Variants in FBXL19 observed in about 807,000 individuals in gnomAD.
FBXL19 encodes the protein F-box and leucine rich repeat protein 19.
Under a neutral mutation model 71.2 loss-of-function variants are expected in FBXL19, and 16 were observed. That is an observed-to-expected ratio of 0.22 (90% CI 0.15 to 0.34). FBXL19 has a LOEUF of 0.34. Ranked by LOEUF, FBXL19 falls within the 10% of genes least tolerant of loss-of-function variation. FBXL19 has a pLI of 1.00. For missense variants in FBXL19, 658 were observed against 968.2 expected (o/e 0.68, Z 4.25); for synonymous variants, 447 against 409.4 (o/e 1.09, Z -1.11).
In FBXL19 at chr16:30,928,620, A is replaced by C. The variant is rs2055632702; in HGVS notation, c.781A>C (p.Asn261His). The C allele has an allele frequency of 6.3e-7, 1 of 1,580,142 alleles. No individual in the cohort carries two copies. The highest frequency in any genetic ancestry group is 1.1e-5 in the South Asian group (1 of 87,070). ...SSCHPGLPPE[N>H]WEKPKPPLAS... ...CTGCCACCCTGGGCTCCCTCCCGAG[A>C]ACTGGGAGGTGTGCCGGGGACCTCC... Residue 261 changes from asparagine (N) to histidine (H), a missense_variant, in exon 6 of 11, where the codon AAC becomes CAC. Coordinates refer to ENST00000338343, the MANE Select transcript of FBXL19 (RefSeq NM_001382779.1).
chr16:30,936,601 C>CTTTTTTTTTTTTTTT (rs547272418), intron 7 of FBXL19, among the ~76,000 whole-genome samples: 4 of 118,170 alleles, frequency 3.4e-5, no homozygotes, highest in African/African-American at 9.8e-5. Context: ...AATTTTTTTT[C>CTTTTTTTTTTTTTTT]TTTTTTTTTT....
chr16:30,933,284 T>C (rs1285666420), intron 7 of FBXL19, among the ~76,000 whole-genome samples: 2 of 152,094 alleles, frequency 1.3e-5, no homozygotes, highest in Non-Finnish European at 1.5e-5. Flanking sequence ...ATTACAGGCA[T>C]GAGCCACTGC....
rs2055552931 is a variant in FBXL19, at chr16:30,923,674, C to T, written c.-810C>T. On this transcript the variant is annotated 5_prime_UTR_variant, in exon 1 of 11. Coordinates refer to ENST00000338343, the MANE Select transcript of FBXL19 (RefSeq NM_001382779.1). ...TGGGGGACCAGGGGGGCTGAGACAC[C>T]CCAACTGCCCCCTTCCCCTTTCCCT... 6.6e-6 allele frequency among the ~76,000 whole-genome samples: 1 copy of T among 151,584 alleles called. No homozygotes were observed. Among genetic ancestry groups the T allele is most frequent in the Non-Finnish European group, 1.5e-5 (1 of 67,818 alleles).
chr16:30,933,295 G>A (rs188601627), intron 7 of FBXL19, among the ~76,000 whole-genome samples: 3 of 152,114 alleles, frequency 2.0e-5, no homozygotes, highest in Non-Finnish European at 4.4e-5. Flanking sequence ...GAGCCACTGC[G>A]CCTGGCCTAA....
At chr16:30,923,264 G>T (rs763863179), upstream of FBXL19, 1 of 449,418 alleles carries the variant, frequency 2.2e-6, no homozygotes, top group South Asian at 1.6e-5. Flanking sequence ...TCTCCTTCTC[G>T]ATGTTCTGCA....
intron 7 of FBXL19, among the ~76,000 whole-genome samples, chr16:30,939,625 A>G (rs528099401): frequency 6.6e-6 from 1 of 151,310 alleles, no homozygotes; most frequent in East Asian, 2.0e-4. Flanking sequence ...TCACTGTGTT[A>G]GCCTGGATGG....
Position 30,927,385 on chromosome 16 carries a change from G to A in FBXL19, c.255G>A (p.Glu85=). ...AGGACACGGTGGAGGGAGAGGAAGA[G>A]AAATTTGGTTTGAGCCTCATGGAGT... ...GKEDTVEGEE[E]KFGLSLMECT... is the part of the protein sequence containing the mutation. Residue 85 remains glutamate (E), a synonymous_variant, in exon 3 of 11, where the codon GAG becomes GAA. Transcript: ENST00000338343. The A allele has an allele frequency of 6.3e-7, 1 of 1,593,682 alleles. No homozygotes were observed. The highest frequency in any genetic ancestry group is 1.1e-5 in the South Asian group (1 of 87,686).
chr16:30,942,519 C>T lies in FBXL19; in HGVS notation c.1610C>T (p.Pro537Leu), dbSNP rs1235708969. Residue 537 changes from proline to leucine, a missense_variant, in exon 9 of 11, where the codon CCA becomes CTA. This residue lies in a region of FBXL19 where 25 missense variants were observed against 25.0 expected (regional missense o/e 1.00). Coordinates refer to ENST00000338343, the MANE Select transcript of FBXL19 (RefSeq NM_001382779.1). The surrounding 1 kb of genome is among the most constrained non-coding windows in gnomAD (Gnocchi z 5.7). ...CAGCTCCGGGAGTTGCTGCTGCCTC[C>T]ACCAGACACCAAACCAGGTGCAACC... ...DSQLRELLLP[P>L]PDTKPGQTES... 3 of 1,590,862 alleles carry T rather than the reference C, an allele frequency of 1.9e-6. No homozygotes were observed. Among genetic ancestry groups the T allele is most frequent in the Non-Finnish European group, 2.6e-6 (3 of 1,168,734 alleles).
At chr16:30,945,046 T>C (rs1026532729) in intron 9 of FBXL19, among the ~76,000 whole-genome samples, 6 of 152,360 alleles carry the variant, frequency 3.9e-5, no homozygotes, top group Non-Finnish European at 4.4e-5. Flanking sequence ...GCTCAGTATG[T>C]AAATTTATTT....
intron 7 of FBXL19, among the ~76,000 whole-genome samples, chr16:30,935,483 G>A (rs934377293): frequency 3.9e-5 from 6 of 152,160 alleles, no homozygotes; most frequent in African/African-American, 1.4e-4. Flanking sequence ...GGGAAGGCGT[G>A]CAGGGGTTAT....
intron 7 of FBXL19, among the ~76,000 whole-genome samples, chr16:30,940,029 G>C (rs2055784118): frequency 6.6e-6 from 1 of 152,048 alleles, no homozygotes; most frequent in African/African-American, 2.4e-5. Context: ...GGCCAAAGTG[G>C]GCAGATCACC....
Position 30,925,776 on chromosome 16 carries a change from C to A in FBXL19, c.22C>A (p.Pro8Thr). MSSSSRG[P>T]GAGARRRRTR... ...CCCAATGTCGTCGAGCAGCCGGGGG[C>A]CGGGGGCCGGAGCGCGCCGACGCCG... The change falls in exon 2 of 11, where the codon CCG becomes ACG. Residue 8 changes from proline to threonine, a missense_variant. Physicochemically the swap from Pro to Thr is conservative, Grantham distance 38 (BLOSUM62 -1). Transcript: ENST00000338343. The surrounding 1 kb of genome is among the most constrained non-coding windows in gnomAD (Gnocchi z 5.0). 1 of 1,486,164 alleles carries A rather than the reference C, an allele frequency of 6.7e-7. No homozygotes were observed. The highest frequency in any genetic ancestry group is 8.9e-7 in the Non-Finnish European group (1 of 1,122,892). The allele number at this position is 1,486,164 out of a possible 1,614,324, so 92.1% of individuals were successfully genotyped here.
chr16:30,929,553 A>ATTATTTTATT (rs372805514), intron 6 of FBXL19, among the ~76,000 whole-genome samples: 2 of 151,912 alleles, frequency 1.3e-5, no homozygotes, highest in Non-Finnish European at 2.9e-5. Flanking sequence ...AGGGCTGGAA[A>ATTATTTTATT]TTATTTTATT....
Position 30,927,329 on chromosome 16 carries a change from G to C in FBXL19, c.199G>C (p.Val67Leu). The C allele has an allele frequency of 6.3e-7, 1 of 1,579,130 alleles. No homozygotes were observed. Among genetic ancestry groups the C allele is most frequent in the South Asian group, 1.2e-5 (1 of 86,224 alleles). Residue 67 changes from valine to leucine, a missense_variant, in exon 3 of 11, where the codon GTG (valine) becomes CTG (leucine). By Grantham distance (32) the Val-to-Leu change is conservative. Transcript: ENST00000338343. ...ACAGCCCGTGCTCCCACACACAGCTGTGTGCCTCTTGTGTGGGGAGGCTGG... is the reference window on the plus strand; with the variant it reads ...ACAGCCCGTGCTCCCACACACAGCTCTGTGCCTCTTGTGTGGGGAGGCTGG... ...CTAPVLPHTA[V>L]CLLCGEAGKE...
In FBXL19 at chr16:30,930,590, TGGCCTGGACA is replaced by T; in HGVS notation, c.1301+13_1301+22del. ...TGCCGAACTTGGAGCCGCTGGTGAG[TGGCCTGGACA>T]GGCCTGCGTTCCGTGGCCAGCAGGC... On this transcript the variant is annotated splice_region_variant and intron_variant, in intron 7 of 10. Transcript: ENST00000338343. The surrounding 1 kb of genome is among the most constrained non-coding windows in gnomAD (Gnocchi z 8.5). The T allele has an allele frequency of 6.9e-7, 1 of 1,443,444 alleles. No homozygotes were observed. The highest frequency in any genetic ancestry group is 9.1e-7 in the Non-Finnish European group (1 of 1,102,002). The allele number at this position is 1,443,444 out of a possible 1,614,324, so 89.4% of individuals were successfully genotyped here. A position where few individuals can be genotyped will look rare whatever the true frequency, so the allele number is the denominator to read the frequency against.
Position 30,947,706 on chromosome 16 carries a change from C to A in FBXL19, c.*476C>A. 2 of 346,018 alleles carry A rather than the reference C, an allele frequency of 5.8e-6. No individual in the cohort carries two copies. The highest frequency in any genetic ancestry group is 1.1e-5 in the Non-Finnish European group (2 of 174,004). 21.4% of individuals were successfully genotyped at this position (346,018 alleles called of 1,614,324 possible). A position where few individuals can be genotyped will look rare whatever the true frequency, so the allele number is the denominator to read the frequency against. ...TGGGGGTGGGGCCACAAAAGGAAAA[C>A]CGGAGGAGCAATTGGGGATCCAGGT... is the stretch of plus-strand genomic sequence containing the variant. On this transcript the variant is annotated 3_prime_UTR_variant, in exon 11 of 11. Coordinates refer to ENST00000338343, the MANE Select transcript of FBXL19 (RefSeq NM_001382779.1).
rs756087166 is a variant in FBXL19 at position 30,927,652 on chromosome 16, C to T, written c.401C>T (p.Thr134Ile). The change falls in exon 4 of 11, where the codon ACC becomes ATC. Residue 134 changes from threonine to isoleucine, a missense_variant. Coordinates refer to ENST00000338343, the MANE Select transcript of FBXL19 (RefSeq NM_001382779.1). Reference protein sequence around the residue: ...ECPRCTQEGRTSKDSGEGPGR... With the variant: ...ECPRCTQEGRISKDSGEGPGR... ...CCTCGCTGCACCCAGGAAGGCCGCA[C>T]CAGCAAGGTAGGGGCTGGGCTGGGC... is the stretch of plus-strand genomic sequence containing the variant. 3 of 1,565,924 alleles carry T rather than the reference C, an allele frequency of 1.9e-6. No homozygotes were observed. Among genetic ancestry groups the T allele is most frequent in the East Asian group, 4.8e-5 (2 of 41,958 alleles).
chr16:30,925,781 G>T lies in FBXL19; in HGVS notation c.27G>T (p.Gly9=). MSSSSRGP[G]AGARRRRTRC... ...TGTCGTCGAGCAGCCGGGGGCCGGG[G>T]GCCGGAGCGCGCCGACGCCGAACCC... is the stretch of plus-strand genomic sequence containing the variant. Residue 9 remains glycine, a synonymous_variant, in exon 2 of 11, where the codon GGG becomes GGT. Transcript: ENST00000338343. This position sits in a 1 kb window ranked among gnomAD's most constrained non-coding sequence, Gnocchi z 5.0. 1.3e-6 allele frequency: 2 copies of T among 1,488,904 alleles called. No homozygotes were observed. Among genetic ancestry groups the T allele is most frequent in the Non-Finnish European group, 8.9e-7 (1 of 1,123,752 alleles). The allele number at this position is 1,488,904 out of a possible 1,614,324, so 92.2% of individuals were successfully genotyped here. A position where few individuals can be genotyped will look rare whatever the true frequency, so the allele number is the denominator to read the frequency against.
Position 30,946,786 on chromosome 16 carries a change from T to C in FBXL19, c.1684T>C (p.Leu562=). ...QGVAELRLAG[L]ELTDASLRLL... ...GGTGGCAGAACTGCGTCTGGCAGGT[T>C]TGGAGCTGACAGATGCCTCCCTGCG... The change falls in exon 10 of 11, where the codon TTG becomes CTG. Residue 562 remains leucine, a synonymous_variant. Transcript: ENST00000338343. This position sits in a 1 kb window ranked among gnomAD's most constrained non-coding sequence, Gnocchi z 6.7. 1.9e-6 allele frequency: 3 copies of C among 1,613,500 alleles called. No individual in the cohort carries two copies. Among genetic ancestry groups the C allele is most frequent in the Non-Finnish European group, 2.5e-6 (3 of 1,179,766 alleles).
Sources: gnomAD v4.1 joint callset for allele counts (sites outside exome capture counted in the v4.1 genomes callset) on GRCh38, gnomAD v4.1.1 for gene constraint, gnomAD v4.1.1 regional missense constraint, Gnocchi (gnomAD v3.1) non-coding constraint, MANE v1.5 for transcripts, NCBI Gene and HGNC (gene_info 2026-07-23, HGNC 2026-07-21) for gene names.